Variants in SYT16 observed in about 807,000 individuals in gnomAD.
SYT16 encodes the protein synaptotagmin-16.
In SYT16, 42 loss-of-function variants were observed where a neutral mutation model predicts 61.4. The ratio of observed to expected loss-of-function variants is 0.68; its 90% confidence interval spans 0.53 to 0.89. The LOEUF (loss-of-function observed/expected upper bound fraction) is 0.89, where lower values mean the gene tolerates loss of function less well. Among genes scored for constraint, SYT16 ranks in the 40% least tolerant of loss-of-function variants. SYT16 has a pLI of 0.00. For synonymous variants in SYT16, 314 were observed against 302.3 expected, an observed-to-expected ratio of 1.04 and a Z score of -0.40; for missense variants, 804 against 807.3, an observed-to-expected ratio of 1.00 and a Z score of 0.05.
intron 1 of SYT16, among the ~76,000 whole-genome samples, chr14:61,820,311 A>G (rs771411754): frequency 2.0e-5 from 3 of 152,130 alleles, no homozygotes; most frequent in Non-Finnish European, 4.4e-5. Context: ...AAGGGCTACA[A>G]CAGCTACCTC....
At chr14:61,997,155 G>A (rs963603962) in intron 3 of SYT16, among the ~76,000 whole-genome samples, 2 of 152,050 alleles carry the variant, frequency 1.3e-5, no homozygotes, top group African/African-American at 2.4e-5. Flanking sequence ...AATGTATATT[G>A]AATATGATAA....
At chr14:62,092,717 G>T (rs1056954560) in intron 7 of SYT16, among the ~76,000 whole-genome samples, 4 of 151,874 alleles carry the variant, frequency 2.6e-5, no homozygotes, top group East Asian at 1.9e-4. Context: ...TGGTTGCCAG[G>T]GGGTGAAGGA....
intron 3 of SYT16, among the ~76,000 whole-genome samples, chr14:62,051,832 G>T (rs1422354045): frequency 6.6e-6 from 1 of 152,112 alleles, no homozygotes; most frequent in African/African-American, 2.4e-5. Context: ...AGGAGTTTGA[G>T]ATCAGCCTGG....
Position 62,033,427 on chromosome 14 carries a change from A to G in SYT16, c.524-36176A>G, listed in dbSNP as rs573340768. Reference sequence around the variant, plus strand: ...ATGTGGTCTATCCATCAAAGGGAATATTACTTGGTTATAAAAAAGGATACC... The same window carrying G: ...ATGTGGTCTATCCATCAAAGGGAATGTTACTTGGTTATAAAAAAGGATACC... On this transcript the variant is annotated intron_variant, in intron 3 of 7. Transcript: ENST00000683842. Among the ~76,000 whole-genome samples, 3 of 152,260 alleles carry G rather than the reference A, an allele frequency of 2.0e-5. No homozygotes were observed. In the South Asian group the frequency reaches 6.2e-4, roughly 32 times the overall value.
In SYT16 at chr14:62,106,247, G is replaced by T. The variant is rs2057510815; in HGVS notation, c.*5540G>T. The T allele has an allele frequency of 6.6e-6, 1 of 152,224 alleles. No individual in the cohort carries two copies. Among genetic ancestry groups the T allele is most frequent in the African/African-American group, 2.4e-5 (1 of 41,454 alleles). The allele number at this position is 152,224 out of a possible 1,614,324, so 9.4% of individuals were successfully genotyped here. A position where few individuals can be genotyped will look rare whatever the true frequency, so the allele number is the denominator to read the frequency against. ...AAGCAGTTGGTCATCATTATACAATGATGCTTACCAATATACAACTGTTAA... is the reference window on the plus strand; with the variant it reads ...AAGCAGTTGGTCATCATTATACAATTATGCTTACCAATATACAACTGTTAA... On this transcript the variant is annotated 3_prime_UTR_variant, in exon 8 of 8. Coordinates refer to ENST00000683842, the MANE Select transcript of SYT16 (RefSeq NM_001367656.1).
intron 1 of SYT16, among the ~76,000 whole-genome samples, chr14:61,842,987 G>A (rs1034623641): frequency 1.3e-5 from 2 of 152,008 alleles, no homozygotes; most frequent in African/African-American, 2.4e-5. Flanking sequence ...CATCTGTGAT[G>A]GACACTTAGG....
At chr14:61,968,404 G>A (rs2051406404) in intron 1 of SYT16, among the ~76,000 whole-genome samples, 1 of 152,146 alleles carries the variant, frequency 6.6e-6, no homozygotes, top group Non-Finnish European at 1.5e-5. Flanking sequence ...CATTTCTCAT[G>A]CAAATGAGAA....
rs1027880448 is a variant in SYT16 at position 62,084,303 on chromosome 14, G to C, written c.1542G>C (p.Ser514=). Residue 514 remains serine, a synonymous_variant, in exon 7 of 8, where the codon TCG becomes TCC. Coordinates refer to ENST00000683842, the MANE Select transcript of SYT16 (RefSeq NM_001367656.1). ...GGAPELLVGL[S]YNATTGRLSV... ...CGCCAGAGCTGTTGGTGGGGCTCTC[G>C]TACAATGCCACAACGGGGCGATTAT... 7.4e-6 allele frequency: 12 copies of C among 1,613,336 alleles called. No individual in the cohort carries two copies. The Admixed American group carries it at 1.8e-4, about 25-fold the overall frequency.
At chr14:62,091,671 G>A (rs947569029) in intron 7 of SYT16, among the ~76,000 whole-genome samples, 19 of 152,128 alleles carry the variant, frequency 1.2e-4, no homozygotes, top group African/African-American at 4.3e-4. Context: ...ATGAAGGTTG[G>A]ATCCTTACCT....
chr14:61,872,479 A>G (rs909512376), intron 1 of SYT16, among the ~76,000 whole-genome samples: 2 of 152,198 alleles, frequency 1.3e-5, no homozygotes, highest in Non-Finnish European at 2.9e-5. Context: ...TTCTTAATAC[A>G]GCCAATTTGA....
intron 2 of SYT16, among the ~76,000 whole-genome samples, chr14:61,975,946 C>T (rs2051774935): frequency 6.6e-6 from 1 of 152,220 alleles, no homozygotes; most frequent in Non-Finnish European, 1.5e-5. Context: ...AGGCAAGTCC[C>T]TTCCACCTAT....
At chr14:61,943,449 A>G (rs113346097) in intron 1 of SYT16, among the ~76,000 whole-genome samples, 1 of 152,256 alleles carries the variant, frequency 6.6e-6, no homozygotes, top group Non-Finnish European at 1.5e-5. Context: ...TTTCAGGGCA[A>G]TATCCCTCAT....
At chr14:61,953,188 G>A (rs1437652187) in intron 1 of SYT16, among the ~76,000 whole-genome samples, 1 of 152,132 alleles carries the variant, frequency 6.6e-6, no homozygotes, top group Non-Finnish European at 1.5e-5. Context: ...ATAGAAATGA[G>A]TCTAATTGTG....
chr14:62,064,334 G>GAAAAAAAAAA (rs781727444), intron 3 of SYT16, among the ~76,000 whole-genome samples: 89 of 42,980 alleles, frequency 2.1e-3, no homozygotes, highest in Non-Finnish European at 2.5e-3. Flanking sequence ...CTTTAAATTT[G>GAAAAAAAAAA]AAAAAAAAAA....
At chr14:61,838,107 C>A (rs1374072283) in intron 1 of SYT16, among the ~76,000 whole-genome samples, 2 of 152,308 alleles carry the variant, frequency 1.3e-5, no homozygotes, top group Admixed American at 1.3e-4. Flanking sequence ...AGATACTGTA[C>A]TTTTCCTGGG....
At chr14:61,977,534 A>T (rs569131861) in intron 2 of SYT16, among the ~76,000 whole-genome samples, 2 of 151,870 alleles carry the variant, frequency 1.3e-5, no homozygotes, top group East Asian at 3.9e-4. Flanking sequence ...ATCAGATCTC[A>T]TGATACTCAC....
At chr14:62,002,778 A>T (rs1218048045) in intron 3 of SYT16, among the ~76,000 whole-genome samples, 1 of 152,094 alleles carries the variant, frequency 6.6e-6, no homozygotes, top group Non-Finnish European at 1.5e-5. Flanking sequence ...CATTCTCATG[A>T]TGCTATCAAG....
At chr14:61,827,894 A>G (rs2045821086) in intron 1 of SYT16, among the ~76,000 whole-genome samples, 1 of 152,196 alleles carries the variant, frequency 6.6e-6, no homozygotes, top group South Asian at 2.1e-4. Context: ...TGATGGGCCA[A>G]ATTGTATACA....
chr14:61,892,104 T>C (rs2048155388), intron 1 of SYT16, among the ~76,000 whole-genome samples: 1 of 151,944 alleles, frequency 6.6e-6, no homozygotes, highest in African/African-American at 2.4e-5. Flanking sequence ...TTACTCCCCT[T>C]TCTGCATCTC....
Sources: allele counts gnomAD v4.1 joint callset (sites outside exome capture counted in the v4.1 genomes callset), GRCh38; gene constraint gnomAD v4.1.1; transcripts MANE v1.5; gene names NCBI Gene and HGNC (gene_info 2026-07-23, HGNC 2026-07-21).